CACNB4: variants seen among roughly 807,000 people sequenced by gnomAD.
CACNB4 encodes calcium voltage-gated channel auxiliary subunit beta 4, also known as voltage-dependent L-type calcium channel subunit beta-4.
In CACNB4, 32 loss-of-function variants were observed where a neutral mutation model predicts 71.2. That is an observed-to-expected ratio of 0.45 (90% CI 0.34 to 0.60). The LOEUF is 0.60. CACNB4 is among the 20% of genes least tolerant of loss of function. CACNB4 has a pLI of 0.01. For missense variants in CACNB4, 464 were observed against 647.9 expected, an observed-to-expected ratio of 0.72 and a Z score of 3.08; for synonymous variants, 231 against 236.9, an observed-to-expected ratio of 0.97 and a Z score of 0.23.
chr2:152,027,851 TCAAAAAAAAAAAA>T (rs1186648423), intron 2 of CACNB4, among the ~76,000 whole-genome samples: 7,167 of 27,758 alleles, frequency 0.26, 581 homozygotes, highest in African/African-American at 0.44. Context: ...AGACTCCGTC[TCAAAAAAAAAAAA>T]AAAAAAAAAA....
intron 2 of CACNB4, chr2:151,967,079 AT>A (rs1391121157): frequency 8.3e-6 from 1 of 119,800 alleles, no homozygotes; most frequent in African/African-American, 3.4e-5. Flanking sequence ...ACAGGGTCTC[AT>A]TCTGTCACCA....
At chr2:151,869,513 T>C (rs531451472) in intron 8 of CACNB4, 29 of 309,494 alleles carry the variant, frequency 9.4e-5, no homozygotes, top group African/African-American at 5.6e-4. Context: ...CGTTAGGGGA[T>C]AGAACTGCTG....
At chr2:151,881,644 G>GT (rs2099847888) in intron 3 of CACNB4, among the ~76,000 whole-genome samples, 2 of 152,192 alleles carry the variant, frequency 1.3e-5, no homozygotes, top group African/African-American at 4.8e-5. Context: ...AGAAAATTTT[G>GT]TAACAAAAAT....
chr2:151,996,412 G>A (rs568196788), intron 2 of CACNB4, among the ~76,000 whole-genome samples: 8 of 151,778 alleles, frequency 5.3e-5, no homozygotes, highest in Admixed American at 5.2e-4. Flanking sequence ...AACTCATCGG[G>A]GCTGCAGTGA....
At chr2:151,888,564 C>G (rs990529942) in intron 2 of CACNB4, among the ~76,000 whole-genome samples, 2 of 151,918 alleles carry the variant, frequency 1.3e-5, no homozygotes, top group Non-Finnish European at 2.9e-5. Context: ...GACCCTGTCT[C>G]AAAAAAATAA....
chr2:151,917,574 T>C (rs1388305413), intron 2 of CACNB4, among the ~76,000 whole-genome samples: 1 of 152,156 alleles, frequency 6.6e-6, no homozygotes, highest in Non-Finnish European at 1.5e-5. Context: ...CAGTGGCTCA[T>C]GCCTGTAATC....
At chr2:151,851,810 G>T (rs1338440570) in intron 12 of CACNB4, 1 of 152,144 alleles carries the variant, frequency 6.6e-6, no homozygotes, top group Non-Finnish European at 1.5e-5. Flanking sequence ...TTATAAGATT[G>T]TTCCAAAAAT....
chr2:151,895,297 A>AAT (rs1338978713), intron 2 of CACNB4, among the ~76,000 whole-genome samples: 1 of 151,834 alleles, frequency 6.6e-6, no homozygotes, highest in Admixed American at 6.6e-5. Context: ...AGCATGCCTC[A>AAT]TTTGTGAAAT....
chr2:151,847,638 A>G (rs1388642641), intron 12 of CACNB4, among the ~76,000 whole-genome samples: 2 of 152,350 alleles, frequency 1.3e-5, no homozygotes, highest in Admixed American at 6.5e-5. Flanking sequence ...CTGTAATCCC[A>G]GCACTTTGGG....
Position 151,900,703 on chromosome 2 carries a change from A to G in CACNB4, c.148-17333T>C, listed in dbSNP as rs137934776. Among the ~76,000 whole-genome samples the G allele has an allele frequency of 2.3e-3, 344 of 152,296 alleles. 7 individuals are homozygous for G. The highest frequency in any genetic ancestry group is 0.018 in the Admixed American group (282 of 15,300). ...AGATCGAAAAGGATGCACTGGGAAG[A>G]TCTGCCTGAAAGTGTGAAAAACTGC... On this transcript the variant is annotated intron_variant, in intron 2 of 13. Coordinates refer to ENST00000539935, the MANE Select transcript of CACNB4 (RefSeq NM_000726.5).
chr2:151,870,755 T>C (rs2099844420), intron 7 of CACNB4, 87 bp downstream of exon 7: 2 of 1,253,466 alleles, frequency 1.6e-6, no homozygotes. Flanking sequence ...CCTTATTTTA[T>C]AGCCACTTGG....
chr2:151,892,742 G>A (rs2099851032), intron 2 of CACNB4, among the ~76,000 whole-genome samples: 2 of 152,154 alleles, frequency 1.3e-5, no homozygotes, highest in African/African-American at 2.4e-5. Flanking sequence ...CTAGCACAAA[G>A]CTTCATAGGA....
intron 2 of CACNB4, among the ~76,000 whole-genome samples, chr2:151,989,196 G>A (rs1165907043): frequency 6.6e-6 from 1 of 152,160 alleles, no homozygotes; most frequent in East Asian, 1.9e-4. Context: ...ACCTCTCTTT[G>A]AGCTGTTAGC....
At chr2:151,911,076 G>C (rs1455235073) in intron 2 of CACNB4, among the ~76,000 whole-genome samples, 1 of 152,168 alleles carries the variant, frequency 6.6e-6, no homozygotes, top group African/African-American at 2.4e-5. Flanking sequence ...TTGTGAATGG[G>C]AGTTCATTCA....
At chr2:151,950,576 C>T (rs1012614094) in intron 2 of CACNB4, among the ~76,000 whole-genome samples, 5 of 152,166 alleles carry the variant, frequency 3.3e-5, no homozygotes, top group African/African-American at 1.2e-4. Context: ...AACCTAGATG[C>T]TCATCAGCAG....
chr2:152,034,826 A>C (rs1182060083), intron 2 of CACNB4, among the ~76,000 whole-genome samples: 3 of 152,084 alleles, frequency 2.0e-5, no homozygotes, highest in Non-Finnish European at 4.4e-5. Context: ...AGTCTCTAAT[A>C]AGTACTGTGT....
intron 2 of CACNB4, among the ~76,000 whole-genome samples, chr2:151,964,432 C>A (rs998553262): frequency 2.6e-5 from 4 of 152,088 alleles, no homozygotes; most frequent in African/African-American, 9.7e-5. Flanking sequence ...GGGAGGACAG[C>A]AGATTAGGAT....
At chr2:151,867,153 C>T (rs1395340500) in intron 9 of CACNB4, 1 of 152,134 alleles carries the variant, frequency 6.6e-6, no homozygotes, top group African/African-American at 2.4e-5. Flanking sequence ...TGTTATGGGG[C>T]CAGTGGATTC....
At chr2:152,039,019 G>T (rs1167053102) in intron 2 of CACNB4, among the ~76,000 whole-genome samples, 1 of 152,152 alleles carries the variant, frequency 6.6e-6, no homozygotes, top group Non-Finnish European at 1.5e-5. Context: ...TTAATATAGG[G>T]ATAATTAAAC....
Sources: gnomAD v4.1 joint callset for allele counts (sites outside exome capture counted in the v4.1 genomes callset) on GRCh38, gnomAD v4.1.1 for gene constraint, MANE v1.5 for transcripts, NCBI Gene and HGNC (gene_info 2026-07-23, HGNC 2026-07-21) for gene names.